The following ILRUN variants were observed in gnomAD, a reference collection of about 807,000 sequenced individuals.
The protein encoded by ILRUN is protein ILRUN.
Under a neutral mutation model 33.8 loss-of-function variants are expected in ILRUN, and 3 were observed. The observed-to-expected ratio is 0.09, with a 90% CI of 0.04 to 0.23. The LOEUF (loss-of-function observed/expected upper bound fraction) is 0.23. ILRUN is among the 10% of genes least tolerant of loss of function. The pLI is 1.00. For synonymous variants in ILRUN, 124 were observed against 138.9 expected (o/e 0.89, Z 0.75); for missense variants, 210 against 375.1 (o/e 0.56, Z 3.64).
chr6:34,614,509 A>C (rs1462898380), intron 3 of ILRUN, among the ~76,000 whole-genome samples: 1 of 146,230 alleles, frequency 6.8e-6, no homozygotes, highest in Non-Finnish European at 1.5e-5. Context: ...TATTTTATAT[A>C]TATATATATA....
chr6:34,672,796 AAAGG>A (rs1763143544), intron 1 of ILRUN, among the ~76,000 whole-genome samples: 1 of 152,108 alleles, frequency 6.6e-6, no homozygotes, highest in Admixed American at 6.5e-5. Context: ...AGAACAGAGA[AAAGG>A]AAGGAGAGGA....
At chr6:34,658,389 T>C (rs1762818604) in intron 1 of ILRUN, among the ~76,000 whole-genome samples, 1 of 151,336 alleles carries the variant, frequency 6.6e-6, no homozygotes. Context: ...AGTTGCACAC[T>C]GCCAATATAG....
chr6:34,664,547 G>A (rs184035371), intron 1 of ILRUN, among the ~76,000 whole-genome samples: 106 of 152,254 alleles, frequency 7.0e-4, no homozygotes, highest in Non-Finnish European at 3.4e-4. Flanking sequence ...TGCCATCAAA[G>A]ATACATATTT....
chr6:34,614,435 A>ATATATATATATATATATATATATATATAT (rs1289507613), intron 3 of ILRUN, among the ~76,000 whole-genome samples: 20 of 123,372 alleles, frequency 1.6e-4, no homozygotes, highest in African/African-American at 6.5e-4. Flanking sequence ...AAATAATAAA[A>ATATATATATATATATATATATATATATAT]AAAAAAAAAT....
chr6:34,606,496 G>C, intron 4 of ILRUN, 59 bp downstream of exon 4: 1 of 1,379,690 alleles, frequency 7.2e-7, no homozygotes, highest in South Asian at 1.3e-5. Flanking sequence ...TTGCCATGAA[G>C]GGGTATCACA....
chr6:34,669,507 T>C (rs1763073837), intron 1 of ILRUN, among the ~76,000 whole-genome samples: 1 of 152,146 alleles, frequency 6.6e-6, no homozygotes. Context: ...TCCCACCAAT[T>C]GCCAGCCAAA....
chr6:34,623,807 T>C (rs1762056939), intron 3 of ILRUN, among the ~76,000 whole-genome samples: 2 of 152,138 alleles, frequency 1.3e-5, no homozygotes, highest in Admixed American at 6.6e-5. Flanking sequence ...GGAAGACAAA[T>C]GGCTGGTATT....
intron 3 of ILRUN, among the ~76,000 whole-genome samples, chr6:34,643,487 C>T (rs1242056384): frequency 6.6e-6 from 1 of 152,062 alleles, no homozygotes; most frequent in African/African-American, 2.4e-5. Context: ...TGACTTGGCT[C>T]CTTCTACCTT....
intron 1 of ILRUN, among the ~76,000 whole-genome samples, chr6:34,687,811 G>A (rs945932536): frequency 4.6e-5 from 7 of 151,084 alleles, no homozygotes; most frequent in South Asian, 4.2e-4. Context: ...GAGAAATTGC[G>A]ACCAACTCAT....
At chr6:34,642,865 T>C (rs1370735200) in intron 3 of ILRUN, among the ~76,000 whole-genome samples, 1 of 138,422 alleles carries the variant, frequency 7.2e-6, no homozygotes, top group Non-Finnish European at 1.5e-5. Context: ...TGATGGCACA[T>C]GCCTGTAGTC....
Position 34,606,788 on chromosome 6 carries a change from A to G in ILRUN, c.628T>C (p.Phe210Leu). 6.2e-7 allele frequency: 1 copy of G among 1,614,132 alleles called. No homozygotes were observed. The highest frequency in any genetic ancestry group is 8.5e-7 in the Non-Finnish European group (1 of 1,180,020). Reference protein sequence around the residue: ...TQPHRKVEGNFNPFASPQKNR... With the variant: ...TQPHRKVEGNLNPFASPQKNR... ...TTTTGGGGAGAGGCAAAAGGGTTGA[A>G]GTTTCCTTCTACCTTACGATGCGGC... The change falls in exon 4 of 5, where the codon TTC (phenylalanine) becomes CTC (leucine). Residue 210 changes from phenylalanine to leucine, a missense_variant. Phe to Leu is a conservative substitution (Grantham distance 22). Transcript: ENST00000374023.
At chr6:34,641,070 C>T (rs1762465049) in intron 3 of ILRUN, among the ~76,000 whole-genome samples, 1 of 134,322 alleles carries the variant, frequency 7.4e-6, no homozygotes, top group Non-Finnish European at 1.6e-5. Flanking sequence ...CAGAGCAGGA[C>T]TCCATCTCAA....
intron 3 of ILRUN, among the ~76,000 whole-genome samples, chr6:34,640,488 G>A (rs1241227026): frequency 6.6e-6 from 1 of 152,060 alleles, no homozygotes; most frequent in Non-Finnish European, 1.5e-5. Flanking sequence ...TGAGGTGGGC[G>A]GATCACAAGG....
chr6:34,605,388 G>C (rs1761608299), intron 4 of ILRUN, among the ~76,000 whole-genome samples: 1 of 151,618 alleles, frequency 6.6e-6, no homozygotes, highest in African/African-American at 2.4e-5. Flanking sequence ...AGCACTTCGG[G>C]AGGCCAAGGC....
chr6:34,681,365 CA>C (rs1282953348), intron 1 of ILRUN, among the ~76,000 whole-genome samples: 1 of 152,186 alleles, frequency 6.6e-6, no homozygotes, highest in Non-Finnish European at 1.5e-5. Context: ...CCTCCCAAGA[CA>C]AACATTAACT....
At chr6:34,661,676 G>A (rs1219516724) in intron 1 of ILRUN, among the ~76,000 whole-genome samples, 2 of 152,112 alleles carry the variant, frequency 1.3e-5, no homozygotes, top group Non-Finnish European at 2.9e-5. Flanking sequence ...CTGTCTTTGG[G>A]TTCTGTGTAA....
chr6:34,677,249 A>G (rs111382976), intron 1 of ILRUN, among the ~76,000 whole-genome samples: 4,696 of 152,020 alleles, frequency 0.031, 196 homozygotes, highest in African/African-American at 0.09. Context: ...GGAGGCTGCA[A>G]TGAGCTGAGA....
intron 1 of ILRUN, among the ~76,000 whole-genome samples, chr6:34,681,051 T>TA (rs951608223): frequency 4.7e-5 from 7 of 148,142 alleles, no homozygotes; most frequent in South Asian, 2.1e-4. Context: ...TCAAAGGGTT[T>TA]AAAAAAAAAA....
rs541800379 is a variant in ILRUN, at chr6:34,667,339, T to G, written c.159-12560A>C. On this transcript the variant is annotated intron_variant, in intron 1 of 4. Transcript: ENST00000374023. ...TGTTAAACTAAAACATGACCTAAATTTGGCTTTATTCACCATGAATTCCTT... is the reference window on the plus strand; with the variant it reads ...TGTTAAACTAAAACATGACCTAAATGTGGCTTTATTCACCATGAATTCCTT... 5.3e-5 allele frequency among the ~76,000 whole-genome samples: 8 copies of G among 152,236 alleles called. No homozygotes were observed. The South Asian group carries it at 1.7e-3, about 31-fold the overall frequency.
Sources: gnomAD v4.1 joint callset for allele counts (sites outside exome capture counted in the v4.1 genomes callset) on GRCh38, gnomAD v4.1.1 for gene constraint, MANE v1.5 for transcripts, NCBI Gene and HGNC (gene_info 2026-07-23, HGNC 2026-07-21) for gene names.